PLEKHA1: variants seen among roughly 807,000 people sequenced by gnomAD.
PLEKHA1 encodes pleckstrin homology domain-containing family A member 1.
In PLEKHA1, 34 loss-of-function variants were observed where a neutral mutation model predicts 52.0. That is an observed-to-expected ratio of 0.65 (90% CI 0.50 to 0.87). PLEKHA1 has a LOEUF of 0.87. Among genes scored for constraint, PLEKHA1 ranks in the 40% least tolerant of loss-of-function variants. PLEKHA1 has a pLI of 0.00. For missense variants in PLEKHA1, 497 were observed against 504.2 expected, an observed-to-expected ratio of 0.99 and a Z score of 0.14; for synonymous variants, 163 against 170.7, an observed-to-expected ratio of 0.95 and a Z score of 0.35.
chr10:122,415,946 C>T lies in PLEKHA1; in HGVS notation c.556C>T (p.Pro186Ser). 1.9e-6 allele frequency: 3 copies of T among 1,613,658 alleles called. No individual in the cohort carries two copies. ...QSHLPYFTPK[P>S]PQDSAVIKAG... ...CCATCTTCCTTACTTTACTCCTAAA[C>T]CACCTCAAGATAGTGCGGTTATCAA... Residue 186 changes from proline to serine, a missense_variant, in exon 7 of 12, where the codon CCA becomes TCA. Physicochemically the swap from Pro to Ser is moderately conservative, Grantham distance 74. Coordinates refer to ENST00000368990, the MANE Select transcript of PLEKHA1 (RefSeq NM_001001974.4).
At chr10:122,412,658 G>A (rs2097123669) in intron 5 of PLEKHA1, 1 of 410,678 alleles carries the variant, frequency 2.4e-6, no homozygotes, top group Non-Finnish European at 4.4e-6. Flanking sequence ...CTATGCATAG[G>A]GTAGACAGGA....
intron 5 of PLEKHA1, among the ~76,000 whole-genome samples, chr10:122,409,124 T>C (rs2097068287): frequency 6.6e-6 from 1 of 152,186 alleles, no homozygotes; most frequent in Non-Finnish European, 1.5e-5. Flanking sequence ...CTTTCCTTAC[T>C]TGAGTCTAGG....
intron 1 of PLEKHA1, among the ~76,000 whole-genome samples, chr10:122,385,636 C>G (rs2096681706): frequency 6.6e-6 from 1 of 152,058 alleles, no homozygotes; most frequent in Admixed American, 6.6e-5. Flanking sequence ...CTTTTTTGTA[C>G]TTAATATTAC....
rs530906952 is a variant in PLEKHA1 at position 122,375,134 on chromosome 10, G to C, written c.-21+328G>C. On this transcript the variant is annotated intron_variant, in intron 1 of 11. Coordinates refer to ENST00000368990, the MANE Select transcript of PLEKHA1 (RefSeq NM_001001974.4). ...CGTCAGCCCTCAGCGGCGCCCGGCG[G>C]GGGAGGGCGGGAGGCCCGCGGCGGT... Among the ~76,000 whole-genome samples the C allele has an allele frequency of 4.6e-5, 7 of 151,576 alleles. No homozygotes were observed. In the South Asian group the frequency reaches 6.2e-4, roughly 14 times the overall value.
chr10:122,438,076 C>CA, the PLEKHA1 span: 1 of 152,000 alleles, frequency 6.6e-6, no homozygotes, highest in South Asian at 2.1e-4. Flanking sequence ...GGCAACATGG[C>CA]AAAATCCCAT....
In PLEKHA1 at chr10:122,393,353, C is replaced by G. The variant is rs199651982; in HGVS notation, c.141+12C>G. 1 of 1,584,264 alleles carries G rather than the reference C, an allele frequency of 6.3e-7. No homozygotes were observed. Among genetic ancestry groups the G allele is most frequent in the East Asian group, 2.3e-5 (1 of 44,216 alleles). On this transcript the variant is annotated intron_variant, in intron 2 of 11. Coordinates refer to ENST00000368990, the MANE Select transcript of PLEKHA1 (RefSeq NM_001001974.4). This position sits in a 1 kb window ranked among gnomAD's most constrained non-coding sequence, Gnocchi z 4.5. Reference sequence around the variant, plus strand: ...TGGATAATCCACAGGTTTGTAAAATCCCAAGGATTATCTTTTAAAAGCACA... The same window carrying G: ...TGGATAATCCACAGGTTTGTAAAATGCCAAGGATTATCTTTTAAAAGCACA...
In PLEKHA1 at chr10:122,424,888, T is replaced by TC. The variant is rs750738983; in HGVS notation, c.747-7dup. 2.5e-5 allele frequency: 40 copies of TC among 1,605,170 alleles called. No homozygotes were observed. Among genetic ancestry groups the TC allele is most frequent in the South Asian group, 1.3e-4 (12 of 88,898 alleles). ...ATTTAAGTATAATTGGATTTTTTTT[T>TC]CATACAGCGACATAATGATGAGGGA... On this transcript the variant is annotated splice_polypyrimidine_tract_variant and splice_region_variant and intron_variant, in intron 9 of 11. Transcript: ENST00000368990.
At chr10:122,426,249 A>G (rs1393992946) in intron 10 of PLEKHA1, among the ~76,000 whole-genome samples, 1 of 151,040 alleles carries the variant, frequency 6.6e-6, no homozygotes. Context: ...TTGTATTTCC[A>G]TTAGTAATGA....
intron 11 of PLEKHA1, chr10:122,428,282 C>T: frequency 1.3e-6 from 2 of 1,540,518 alleles, no homozygotes; most frequent in Non-Finnish European, 8.8e-7. Flanking sequence ...CCAGATGCGG[C>T]AGGCCAGAAG....
At chr10:122,375,434 G>A (rs897698389) in intron 1 of PLEKHA1, among the ~76,000 whole-genome samples, 1 of 152,266 alleles carries the variant, frequency 6.6e-6, no homozygotes, top group Admixed American at 6.5e-5. Context: ...GTGGCCAGAG[G>A]CAGCGTTGAA....
intron 1 of PLEKHA1, among the ~76,000 whole-genome samples, chr10:122,380,512 T>C (rs1398159559): frequency 6.6e-6 from 1 of 152,184 alleles, no homozygotes; most frequent in African/African-American, 2.4e-5. Context: ...GAACGTGACT[T>C]TGAGTTACAA....
intron 8 of PLEKHA1, chr10:122,418,715 AT>A (rs1235997502): frequency 1.6e-4 from 24 of 152,316 alleles, no homozygotes; most frequent in African/African-American, 5.5e-4. Context: ...TTTGAGTTGC[AT>A]CCTTATTTAA....
In PLEKHA1 at chr10:122,429,669, A is replaced by G. The variant is rs1396608180; in HGVS notation, c.946A>G (p.Thr316Ala). 2.5e-6 allele frequency: 4 copies of G among 1,613,892 alleles called. No homozygotes were observed. Among genetic ancestry groups the G allele is most frequent in the South Asian group, 1.1e-5 (1 of 91,074 alleles). The change falls in exon 12 of 12, where the codon ACC becomes GCC. Residue 316 changes from threonine to alanine, a missense_variant. By Grantham distance (58) the Thr-to-Ala change is moderately conservative. Coordinates refer to ENST00000368990, the MANE Select transcript of PLEKHA1 (RefSeq NM_001001974.4). ...AGAATCCAAACACGCTTTCCGTCCT[A>G]CCAACGCAGCCACCGCCACCTCACA... Reference protein sequence around the residue: ...PSESKHAFRPTNAATATSHST... With the variant: ...PSESKHAFRPANAATATSHST...
rs908152168 is a variant in PLEKHA1, at chr10:122,391,738, C to CT, written c.-20-1431dup. ...TTTCAAGCTTTGATTACATTGTAAA[C>CT]TTTTTTTTTTTTACAAACATGGTAA... On this transcript the variant is annotated intron_variant, in intron 1 of 11. Transcript: ENST00000368990. Among the ~76,000 whole-genome samples the CT allele has an allele frequency of 2.1e-3, 298 of 145,012 alleles. 1 individual carries two copies. The highest frequency in any genetic ancestry group is 0.011 in the Middle Eastern group (3 of 280).
the PLEKHA1 span, chr10:122,438,716 C>T: frequency 6.6e-6 from 1 of 152,192 alleles, no homozygotes; most frequent in African/African-American, 2.4e-5. Flanking sequence ...TAACTGATAA[C>T]TGTAGTCATT....
At chr10:122,424,023 A>T in intron 8 of PLEKHA1, 176 bp from the exon 9 acceptor site, 1 of 775,978 alleles carries the variant, frequency 1.3e-6, no homozygotes, top group South Asian at 2.0e-5. Context: ...ATAAGGTTAT[A>T]GTGTTTGAGC....
intron 1 of PLEKHA1, among the ~76,000 whole-genome samples, chr10:122,385,758 T>G (rs1312861803): frequency 2.0e-5 from 3 of 152,262 alleles, no homozygotes; most frequent in African/African-American, 7.2e-5. Context: ...TTGGTCTGGC[T>G]TCTTTCACAT....
At chr10:122,382,548 T>TAGA in intron 1 of PLEKHA1, among the ~76,000 whole-genome samples, 1 of 152,260 alleles carries the variant, frequency 6.6e-6, no homozygotes, top group Non-Finnish European at 1.5e-5. Flanking sequence ...ATGAATATTC[T>TAGA]GTTTCCTAAC....
At position 122,380,936 on chromosome 10, in the gene PLEKHA1, G is replaced by T. The variant is rs776429461; in HGVS notation, c.-21+6130G>T. Among the ~76,000 whole-genome samples the T allele has an allele frequency of 1.0e-3, 156 of 152,246 alleles. 1 individual carries two copies. The highest frequency in any genetic ancestry group is 6.5e-4 in the Admixed American group (10 of 15,306). On this transcript the variant is annotated intron_variant, in intron 1 of 11. Coordinates refer to ENST00000368990, the MANE Select transcript of PLEKHA1 (RefSeq NM_001001974.4). Reference sequence around the variant, plus strand: ...ATTGAGGAGTGTGACTCTAGAGCCAGACTCCTCCAGTTTGACTCCTGGCAC... The same window carrying T: ...ATTGAGGAGTGTGACTCTAGAGCCATACTCCTCCAGTTTGACTCCTGGCAC...
Sources: allele counts gnomAD v4.1 joint callset (sites outside exome capture counted in the v4.1 genomes callset), GRCh38; gene constraint gnomAD v4.1.1; non-coding constraint Gnocchi (gnomAD v3.1); transcripts MANE v1.5; gene names NCBI Gene and HGNC (gene_info 2026-07-23, HGNC 2026-07-21).